ENO4: variants seen among roughly 807,000 people sequenced by gnomAD.
The protein encoded by ENO4 is enolase 4, also known as 2-phospho-D-glycerate hydro-lyase.
ENO4 carries 53 observed loss-of-function variants against 63.2 expected under a neutral mutation model. That is an observed-to-expected ratio of 0.84 (90% CI 0.67 to 1.05). ENO4 has a LOEUF of 1.05. Among genes scored for constraint, ENO4 ranks in the 50% least tolerant of loss-of-function variants. The probability of loss-of-function intolerance (pLI) is 0.00; values close to 1 mark genes in which losing one functional copy is unlikely to be tolerated. For missense variants in ENO4, 719 were observed against 772.0 expected, an observed-to-expected ratio of 0.93 and a Z score of 0.81; for synonymous variants, 266 against 283.8, an observed-to-expected ratio of 0.94 and a Z score of 0.63.
chr10:116,856,390 A>G, intron 2 of ENO4, 102 bp from the exon 3 acceptor site: 1 of 897,954 alleles, frequency 1.1e-6, no homozygotes, highest in South Asian at 1.7e-5. Context: ...GTCCCCTTGA[A>G]ATTGGTGGTA....
chr10:116,910,551 T>C (rs942827073), intron 10 of ENO4, among the ~76,000 whole-genome samples: 7 of 152,212 alleles, frequency 4.6e-5, no homozygotes, highest in African/African-American at 9.6e-5. Flanking sequence ...AATATTATCA[T>C]ATGTACCTCA....
intron 3 of ENO4, among the ~76,000 whole-genome samples, chr10:116,856,950 C>G (rs1001869018): frequency 6.7e-6 from 1 of 150,344 alleles, no homozygotes; most frequent in African/African-American, 2.5e-5. Context: ...GATCGCGCCA[C>G]TGGACTCCAG....
At chr10:116,905,008 T>G (rs201484818) in intron 10 of ENO4, among the ~76,000 whole-genome samples, 1 of 151,406 alleles carries the variant, frequency 6.6e-6, no homozygotes, top group African/African-American at 2.4e-5. Context: ...GAGACCATCC[T>G]GGCTAACAAG....
chr10:116,885,906 G>C (rs535535951), downstream of ENO4: 17 of 164,754 alleles, frequency 1.0e-4, no homozygotes, highest in South Asian at 2.8e-3. Flanking sequence ...TCCATCAAGA[G>C]GATCAGACCC....
chr10:116,863,066 G>T (rs1422765605), intron 7 of ENO4, among the ~76,000 whole-genome samples: 2 of 152,106 alleles, frequency 1.3e-5, no homozygotes, highest in Non-Finnish European at 2.9e-5. Flanking sequence ...CAATTTCTGG[G>T]GCAACTGGCT....
chr10:116,868,766 C>G, intron 8 of ENO4, 60 bp downstream of exon 8: 1 of 1,420,882 alleles, frequency 7.0e-7, no homozygotes, highest in Non-Finnish European at 9.7e-7. Context: ...TTTCCTGCCC[C>G]TTTTTATCTT....
intron 3 of ENO4, among the ~76,000 whole-genome samples, chr10:116,857,098 C>T (rs1388220027): frequency 6.6e-6 from 1 of 151,948 alleles, no homozygotes; most frequent in Non-Finnish European, 1.5e-5. Flanking sequence ...AGTCAGTTTA[C>T]AAAGCGTATG....
Position 116,911,462 on chromosome 10 carries a change from T to G in ENO4, c.1195-37T>G, listed in dbSNP as rs1482813737. The G allele has an allele frequency of 2.6e-6, 4 of 1,548,068 alleles. No homozygotes were observed. In the East Asian group the frequency reaches 9.8e-5, roughly 38 times the overall value. ...CATTATTCATCTATTATATTTCTGT[T>G]TTTCATCAACATGTACGGACCCTTA... On this transcript the variant is annotated intron_variant, in intron 10 of 10. Coordinates refer to the ENO4 transcript ENST00000369207.
At chr10:116,881,441 T>TC in intron 13 of ENO4, 74 bp from the exon 14 acceptor site, 1 of 1,168,998 alleles carries the variant, frequency 8.6e-7, no homozygotes, top group Middle Eastern at 3.0e-4. Context: ...GAAGATGATC[T>TC]CCTTCAACTT....
At chr10:116,876,732 C>T (rs1394779090) in intron 11 of ENO4, among the ~76,000 whole-genome samples, 4 of 152,014 alleles carry the variant, frequency 2.6e-5, no homozygotes, top group Admixed American at 6.6e-5. Context: ...CGGCGGATCA[C>T]GAGGTCAGGA....
In ENO4 at chr10:116,862,853, G is replaced by T. The variant is rs1477937399; in HGVS notation, c.990+1G>T. 2 of 1,540,076 alleles carry T rather than the reference G, an allele frequency of 1.3e-6. No individual in the cohort carries two copies. Among genetic ancestry groups the T allele is most frequent in the Non-Finnish European group, 1.8e-6 (2 of 1,137,776 alleles). On this transcript the variant is annotated splice_donor_variant, in intron 7 of 13. Transcript: ENST00000341276. LOFTEE classifies it high-confidence loss of function. Reference sequence around the variant, plus strand: ...ACATATCAACAAAATAATTGAAATGGTATGTAAAGAGATTCTATGTTATCT... The same window carrying T: ...ACATATCAACAAAATAATTGAAATGTTATGTAAAGAGATTCTATGTTATCT...
Position 116,856,752 on chromosome 10 carries a change from A to G in ENO4, c.485+70A>G. ...CACAGTGGCTCACGCCTGTAATCCC[A>G]GCACTTTGGGAGGCCGAGGCGGGCA... is the stretch of plus-strand genomic sequence containing the variant. On this transcript the variant is annotated intron_variant, in intron 3 of 13. Coordinates refer to ENST00000341276, the MANE Select transcript of ENO4 (RefSeq NM_001242699.2). 4 of 1,333,816 alleles carry G rather than the reference A, an allele frequency of 3.0e-6. No individual in the cohort carries two copies. The South Asian group carries it at 6.1e-5, about 20-fold the overall frequency. 82.6% of individuals were successfully genotyped at this position (1,333,816 alleles called of 1,614,324 possible).
intron 9 of ENO4, among the ~76,000 whole-genome samples, chr10:116,871,962 C>T (rs571847540): frequency 6.6e-6 from 1 of 152,218 alleles, no homozygotes; most frequent in Admixed American, 6.5e-5. Flanking sequence ...TTTGGGAGGC[C>T]GAGGTGGGTG....
intron 10 of ENO4, among the ~76,000 whole-genome samples, chr10:116,911,182 C>T (rs1228666045): frequency 6.6e-6 from 1 of 152,126 alleles, no homozygotes; most frequent in Non-Finnish European, 1.5e-5. Context: ...AGTGCAGTAG[C>T]CGCTGATTCC....
At chr10:116,898,582 C>T (rs150563140) in intron 10 of ENO4, among the ~76,000 whole-genome samples, 171 of 152,194 alleles carry the variant, frequency 1.1e-3, no homozygotes, top group Non-Finnish European at 1.8e-3. Flanking sequence ...ATAACGTTCA[C>T]ATTCACTGTG....
At chr10:116,886,709 C>G, downstream of ENO4, 1 of 1,130,600 alleles carries the variant, frequency 8.8e-7, no homozygotes, top group Non-Finnish European at 1.2e-6. Context: ...GAGATGCCAG[C>G]CATTTAAAAG....
chr10:116,871,368 C>A, intron 9 of ENO4, 76 bp downstream of exon 9: 1 of 1,253,448 alleles, frequency 8.0e-7, no homozygotes, highest in Non-Finnish European at 1.1e-6. Flanking sequence ...AAAAAAAGAG[C>A]TTATCTGAAT....
intron 10 of ENO4, among the ~76,000 whole-genome samples, chr10:116,899,032 G>A (rs180937441): frequency 9.9e-5 from 15 of 152,098 alleles, no homozygotes; most frequent in African/African-American, 2.2e-4. Flanking sequence ...AAGATCTTAC[G>A]CAGATCATAC....
At chr10:116,910,811 A>T (rs1238049416) in intron 10 of ENO4, among the ~76,000 whole-genome samples, 3 of 152,194 alleles carry the variant, frequency 2.0e-5, no homozygotes, top group African/African-American at 7.2e-5. Context: ...GCTTTAATAC[A>T]CTATTCTGTA....
Sources: gnomAD v4.1 joint callset for allele counts (sites outside exome capture counted in the v4.1 genomes callset) on GRCh38, gnomAD v4.1.1 for gene constraint, MANE v1.5 for transcripts, NCBI Gene and HGNC (gene_info 2026-07-23, HGNC 2026-07-21) for gene names.